TRDMT1: variants seen among roughly 807,000 people sequenced by gnomAD.
The protein encoded by TRDMT1 is tRNA (cytosine(38)-C(5))-methyltransferase.
In TRDMT1, 49 loss-of-function variants were observed where a neutral mutation model predicts 51.2. That is an observed-to-expected ratio of 0.96 (90% CI 0.76 to 1.21). The LOEUF (loss-of-function observed/expected upper bound fraction) is 1.21. Among genes scored for constraint, TRDMT1 ranks in the 50% most tolerant of loss-of-function variants. The pLI is 0.00. For synonymous variants in TRDMT1, 187 were observed against 164.6 expected, an observed-to-expected ratio of 1.14 and a Z score of -1.04; for missense variants, 534 against 462.3, an observed-to-expected ratio of 1.16 and a Z score of -1.42.
At chr10:17,188,857 G>T (rs1009978570) in intron 1 of TRDMT1, among the ~76,000 whole-genome samples, 1 of 152,120 alleles carries the variant, frequency 6.6e-6, no homozygotes, top group Non-Finnish European at 1.5e-5. Context: ...CTACTGTATT[G>T]CTTTATAAAG....
At position 17,143,735 on chromosome 10, in the gene TRDMT1, A is replaced by G; in HGVS notation, c.*5305T>C. The G allele has an allele frequency of 1.0e-6, 1 of 985,446 alleles. No individual in the cohort carries two copies. The highest frequency in any genetic ancestry group is 1.2e-6 in the Non-Finnish European group (1 of 829,934). The allele number at this position is 985,446 out of a possible 1,614,324, so 61.0% of individuals were successfully genotyped here. A position where few individuals can be genotyped will look rare whatever the true frequency, so the allele number is the denominator to read the frequency against. ...AAATGATCGTTCAGAGGCCTGCCTTAGGAAGGCCATTTTAACAGAAGCTGA... is the reference window on the plus strand; with the variant it reads ...AAATGATCGTTCAGAGGCCTGCCTTGGGAAGGCCATTTTAACAGAAGCTGA... On this transcript the variant is annotated 3_prime_UTR_variant, in exon 11 of 11. Coordinates refer to ENST00000377799, the MANE Select transcript of TRDMT1 (RefSeq NM_004412.7).
Position 17,145,925 on chromosome 10 carries a change from G to C in TRDMT1, c.*3115C>G, listed in dbSNP as rs931203663. On this transcript the variant is annotated 3_prime_UTR_variant, in exon 11 of 11. Coordinates refer to ENST00000377799, the MANE Select transcript of TRDMT1 (RefSeq NM_004412.7). ...TCTTTAGTTCATTTCTCTCTCCTCA[G>C]AAGTCTCCAGCTTAATCACTCTAGA... The C allele has an allele frequency of 2.1e-5, 21 of 985,244 alleles. No individual in the cohort carries two copies. The African/African-American group carries it at 3.3e-4, about 16-fold the overall frequency. The allele number at this position is 985,244 out of a possible 1,614,324, so 61.0% of individuals were successfully genotyped here. A position where few individuals can be genotyped will look rare whatever the true frequency, so the allele number is the denominator to read the frequency against.
chr10:17,193,173 G>A (rs939332409), intron 1 of TRDMT1, among the ~76,000 whole-genome samples: 2 of 152,088 alleles, frequency 1.3e-5, no homozygotes, highest in Admixed American at 1.3e-4. Context: ...AGACCAGCCT[G>A]GCCAACATGG....
chr10:17,179,782 A>G (rs1843049719), intron 1 of TRDMT1, among the ~76,000 whole-genome samples: 1 of 151,740 alleles, frequency 6.6e-6, no homozygotes. Context: ...GGAAAAACAG[A>G]AACGGGCTAA....
rs12269416 is a variant in TRDMT1 at position 17,169,502 on chromosome 10, G to C, written c.175-585C>G. 1.3e-4 allele frequency: 168 copies of C among 1,289,646 alleles called. No homozygotes were observed. The African/African-American group carries it at 2.3e-3, about 18-fold the overall frequency. 79.9% of individuals were successfully genotyped at this position (1,289,646 alleles called of 1,614,324 possible). A position where few individuals can be genotyped will look rare whatever the true frequency, so the allele number is the denominator to read the frequency against. On this transcript the variant is annotated intron_variant, in intron 2 of 10. Transcript: ENST00000377799. ...AGATGCATCAAAAGAATTCCTAATGGGCTAAGTAGCTGAAAACTGTGCTGT... is the reference window on the plus strand; with the variant it reads ...AGATGCATCAAAAGAATTCCTAATGCGCTAAGTAGCTGAAAACTGTGCTGT...
chr10:17,150,925 AT>A lies in TRDMT1; in HGVS notation c.1076-1786del, dbSNP rs1588700182. ...ACTATCCCAGAGATGATCTTTTGCA[AT>A]ATTACAATTACCTCAGAAGGAAAGA... On this transcript the variant is annotated intron_variant, in intron 10 of 10. Coordinates refer to ENST00000377799, the MANE Select transcript of TRDMT1 (RefSeq NM_004412.7). The A allele has an allele frequency of 3.0e-6, 3 of 985,368 alleles. No homozygotes were observed. In the East Asian group the frequency reaches 3.4e-4, roughly 112 times the overall value. The allele number at this position is 985,368 out of a possible 1,614,324, so 61.0% of individuals were successfully genotyped here.
chr10:17,201,470 T>TGTCCGCCCCACAGA, intron 1 of TRDMT1, 101 bp downstream of exon 1: 2 of 1,291,994 alleles, frequency 1.5e-6, no homozygotes, highest in Non-Finnish European at 2.1e-6. Context: ...CGCCCCACAG[T>TGTCCGCCCCACAGA]GTCCGCCCCT....
chr10:17,192,298 C>A (rs989246873), intron 1 of TRDMT1, among the ~76,000 whole-genome samples: 3 of 152,042 alleles, frequency 2.0e-5, no homozygotes, highest in Non-Finnish European at 2.9e-5. Flanking sequence ...ACAAGAGTGG[C>A]AAGTTTTGGA....
In TRDMT1 at chr10:17,146,793, A is replaced by G. The variant is rs1838148657; in HGVS notation, c.*2247T>C. The G allele has an allele frequency of 1.0e-6, 1 of 985,346 alleles. No homozygotes were observed. Among genetic ancestry groups the G allele is most frequent in the African/African-American group, 1.7e-5 (1 of 57,260 alleles). 61.0% of individuals were successfully genotyped at this position (985,346 alleles called of 1,614,324 possible). On this transcript the variant is annotated 3_prime_UTR_variant, in exon 11 of 11. Transcript: ENST00000377799. ...TATATACAGCATTATTACCAAAAGCATATAGCAGACATTCCATAAAATAAC... is the reference window on the plus strand; with the variant it reads ...TATATACAGCATTATTACCAAAAGCGTATAGCAGACATTCCATAAAATAAC...
Position 17,162,247 on chromosome 10 carries a change from T to TAAAAA in TRDMT1, c.252-15_252-11dup. 2 of 1,352,326 alleles carry TAAAAA rather than the reference T, an allele frequency of 1.5e-6. No homozygotes were observed. Among genetic ancestry groups the TAAAAA allele is most frequent in the Admixed American group, 2.4e-5 (1 of 40,864 alleles). The allele number at this position is 1,352,326 out of a possible 1,614,324, so 83.8% of individuals were successfully genotyped here. A position where few individuals can be genotyped will look rare whatever the true frequency, so the allele number is the denominator to read the frequency against. ...ACCCTGCCGGCCAATCCTAAAGGGG[T>TAAAAA]AAAAAAAAAAAAAAACAAAAAAAAA... is the stretch of plus-strand genomic sequence containing the variant. On this transcript the variant is annotated splice_polypyrimidine_tract_variant and intron_variant, in intron 3 of 10. Transcript: ENST00000377799.
At chr10:17,164,366 T>C (rs1287034943) in intron 3 of TRDMT1, among the ~76,000 whole-genome samples, 1 of 152,104 alleles carries the variant, frequency 6.6e-6, no homozygotes, top group Non-Finnish European at 1.5e-5. Context: ...ATGGGACATA[T>C]CTCAAAATAA....
intron 1 of TRDMT1, among the ~76,000 whole-genome samples, chr10:17,183,752 C>T (rs895449855): frequency 6.7e-4 from 102 of 151,936 alleles, no homozygotes; most frequent in African/African-American, 2.4e-3. Context: ...AAAAAGCAAA[C>T]AAAAAAATGA....
rs1837644506 is a variant in TRDMT1 at position 17,141,107 on chromosome 10, T to A, written c.*7933A>T. The stretch of plus-strand genomic sequence containing the variant: ...GTTTTGGATGAGACATCTACTGTCA[T>A]CCAAATTGTGTCCCCCGCCCCATGG... On this transcript the variant is annotated 3_prime_UTR_variant, in exon 11 of 11. Coordinates refer to ENST00000377799, the MANE Select transcript of TRDMT1 (RefSeq NM_004412.7). Among the ~76,000 whole-genome samples the A allele has an allele frequency of 6.6e-6, 1 of 152,236 alleles. No individual in the cohort carries two copies. Among genetic ancestry groups the A allele is most frequent in the African/African-American group, 2.4e-5 (1 of 41,466 alleles).
At position 17,148,966 on chromosome 10, in the gene TRDMT1, C is replaced by A; in HGVS notation, c.*74G>T. On this transcript the variant is annotated 3_prime_UTR_variant, in exon 11 of 11. Coordinates refer to ENST00000377799, the MANE Select transcript of TRDMT1 (RefSeq NM_004412.7). ...TAGTTAAATTTCACCAGAATTAGTT[C>A]AAAACAGAATTTCAGAATTACTCTC... 2 of 1,446,108 alleles carry A rather than the reference C, an allele frequency of 1.4e-6. No homozygotes were observed. The highest frequency in any genetic ancestry group is 9.2e-7 in the Non-Finnish European group (1 of 1,092,204). The allele number at this position is 1,446,108 out of a possible 1,614,324, so 89.6% of individuals were successfully genotyped here.
intron 2 of TRDMT1, 136 bp from the exon 3 acceptor site, chr10:17,169,053 G>A: frequency 1.5e-6 from 1 of 659,286 alleles, no homozygotes; most frequent in Non-Finnish European, 2.5e-6. Flanking sequence ...AATCAACTTT[G>A]GTTAACTAAC....
At chr10:17,194,216 C>T (rs1216882723) in intron 1 of TRDMT1, among the ~76,000 whole-genome samples, 1 of 152,084 alleles carries the variant, frequency 6.6e-6, no homozygotes, top group Non-Finnish European at 1.5e-5. Flanking sequence ...AGAAGAAAAC[C>T]TAGGAAACAC....
chr10:17,169,490 G>T, intron 2 of TRDMT1: 1 of 1,289,784 alleles, frequency 7.8e-7, no homozygotes. Flanking sequence ...TGCATCAAAA[G>T]AATTCCTAAT....
In TRDMT1 at chr10:17,157,673, T is replaced by C; in HGVS notation, c.655A>G (p.Ser219Gly). ...GCATCTTTTCCAGAACACTGTATGC[T>C]GCCATCAAAGCTAATATTTGGTTCA... ...NVEPNISFDGSIQCSGKDAIL... is the reference protein window; with the variant it reads ...NVEPNISFDGGIQCSGKDAIL... Residue 219 changes from serine to glycine, a missense_variant, in exon 8 of 11, where the codon AGC becomes GGC. Transcript: ENST00000377799. The C allele has an allele frequency of 6.2e-7, 1 of 1,613,364 alleles. No individual in the cohort carries two copies. Among genetic ancestry groups the C allele is most frequent in the Middle Eastern group, 1.7e-4 (1 of 6,040 alleles).
intron 2 of TRDMT1, among the ~76,000 whole-genome samples, chr10:17,172,818 T>C (rs1842193689): frequency 2.0e-5 from 3 of 152,102 alleles, no homozygotes. Context: ...TTCGTAGCAG[T>C]AAAGTGCAAG....
Sources: allele counts gnomAD v4.1 joint callset (sites outside exome capture counted in the v4.1 genomes callset), GRCh38; gene constraint gnomAD v4.1.1; transcripts MANE v1.5; gene names NCBI Gene and HGNC (gene_info 2026-07-23, HGNC 2026-07-21).